The following COL13A1 variants were observed in gnomAD, a reference collection of about 807,000 sequenced individuals.
The protein encoded by COL13A1 is collagen type XIII alpha 1 chain.
A neutral mutation model predicts 130.9 loss-of-function variants in COL13A1; 89 were observed. The ratio of observed to expected loss-of-function variants is 0.68; its 90% CI spans 0.57 to 0.81. COL13A1 has a LOEUF of 0.81. Among genes scored for constraint, COL13A1 ranks in the 30% least tolerant of loss-of-function variants. The pLI is 0.00. For missense variants in COL13A1, 879 were observed against 934.6 expected (o/e 0.94, Z 0.78); for synonymous variants, 402 against 341.6 (o/e 1.18, Z -1.95).
intron 2 of COL13A1, among the ~76,000 whole-genome samples, chr10:69,866,785 G>A (rs2058561874): frequency 6.6e-6 from 1 of 152,194 alleles, no homozygotes; most frequent in African/African-American, 2.4e-5. Context: ...ACAGATAAAG[G>A]AGGAGAGAAG....
intron 38 of COL13A1, among the ~76,000 whole-genome samples, chr10:69,951,368 AT>A (rs1393666841): frequency 1.3e-5 from 2 of 151,146 alleles, no homozygotes; most frequent in Non-Finnish European, 3.0e-5. Context: ...AACTCACAAC[AT>A]TTTTTTTTCA....
chr10:69,837,768 C>T (rs377140191), intron 2 of COL13A1, among the ~76,000 whole-genome samples: 44 of 151,918 alleles, frequency 2.9e-4, no homozygotes, highest in African/African-American at 1.1e-3. Flanking sequence ...ATCATGTTCC[C>T]GTGGAACGGC....
chr10:69,935,078 G>GT lies in COL13A1; in HGVS notation c.1729-261dup, dbSNP rs112108347. On this transcript the variant is annotated intron_variant, in intron 31 of 40. Coordinates refer to ENST00000645393, the MANE Select transcript of COL13A1 (RefSeq NM_001368882.1). ...TGCTAGATCTTCTGGTGTTTTTTTTGTTTTTTTTTTTCCAAGAAAAATCTG... is the reference window on the plus strand; with the variant it reads ...TGCTAGATCTTCTGGTGTTTTTTTTGTTTTTTTTTTTTCCAAGAAAAATCTG... 0.057 allele frequency among the ~76,000 whole-genome samples: 8,381 copies of GT among 146,916 alleles called. 343 individuals are homozygous for GT. Among genetic ancestry groups the GT allele is most frequent in the African/African-American group, 0.11 (4,555 of 40,220 alleles).
intron 2 of COL13A1, among the ~76,000 whole-genome samples, chr10:69,867,240 C>T (rs2058613616): frequency 6.6e-6 from 1 of 152,174 alleles, no homozygotes; most frequent in Admixed American, 6.5e-5. Context: ...CTGTGGGTGG[C>T]AGACCCTGGA....
intron 2 of COL13A1, among the ~76,000 whole-genome samples, chr10:69,855,724 C>G (rs1428941924): frequency 6.6e-6 from 1 of 151,794 alleles, no homozygotes; most frequent in Non-Finnish European, 1.5e-5. Context: ...ATCCTGGGGC[C>G]GGGGACTTAT....
chr10:69,894,635 A>C (rs761038311), intron 11 of COL13A1, 40 bp from the exon 12 acceptor site: 38 of 1,613,798 alleles, frequency 2.4e-5, no homozygotes, highest in Non-Finnish European at 2.8e-5. Flanking sequence ...CTGTGACCTT[A>C]GCTTTGGTTT....
intron 4 of COL13A1, among the ~76,000 whole-genome samples, chr10:69,874,855 C>A (rs1325303423): frequency 6.6e-6 from 1 of 152,192 alleles, no homozygotes; most frequent in East Asian, 1.9e-4. Flanking sequence ...GAAACTGAGG[C>A]CCAGGCTGGG....
chr10:69,824,055 A>G, intron 2 of COL13A1: 2 of 469,926 alleles, frequency 4.3e-6, no homozygotes, highest in Non-Finnish European at 8.8e-6. Context: ...TTGAAGCCAC[A>G]GAGGATGTAG....
At chr10:69,806,542 C>T (rs993107640) in intron 1 of COL13A1, among the ~76,000 whole-genome samples, 3 of 152,234 alleles carry the variant, frequency 2.0e-5, no homozygotes, top group African/African-American at 7.2e-5. Flanking sequence ...GCTCTTCCCC[C>T]ATCAGCGCCT....
At chr10:69,924,889 A>G in intron 24 of COL13A1, 74 bp from the exon 25 acceptor site, 1 of 1,436,806 alleles carries the variant, frequency 7.0e-7, no homozygotes, top group Non-Finnish European at 9.3e-7. Flanking sequence ...CCCTTATCAC[A>G]TGGCCCATCT....
chr10:69,877,839 A>G (rs1346218386), intron 5 of COL13A1, among the ~76,000 whole-genome samples, 200 bp from the exon 6 acceptor site: 3 of 152,008 alleles, frequency 2.0e-5, no homozygotes, highest in African/African-American at 7.3e-5. Flanking sequence ...TCCACATGCC[A>G]CATGCTGTGC....
At chr10:69,945,630 C>T (rs780066795) in intron 36 of COL13A1, 41 bp from the exon 37 acceptor site, 19 of 1,600,776 alleles carry the variant, frequency 1.2e-5, no homozygotes, top group African/African-American at 2.7e-5. Context: ...AGATTGTTAC[C>T]GTGTCTGGCA....
chr10:69,929,050 C>T (rs919260764), intron 28 of COL13A1, 51 bp downstream of exon 28: 1 of 1,414,140 alleles, frequency 7.1e-7, no homozygotes. Context: ...GGCATCGACC[C>T]CAGGGCTTCC....
At chr10:69,894,899 A>G (rs1034071047) in intron 12 of COL13A1, among the ~76,000 whole-genome samples, 198 bp downstream of exon 12, 1 of 152,062 alleles carries the variant, frequency 6.6e-6, no homozygotes, top group Non-Finnish European at 1.5e-5. Context: ...GTCCTCCTGG[A>G]GGCTGGTCCG....
At chr10:69,855,513 ATAAC>A (rs1856167469) in intron 2 of COL13A1, among the ~76,000 whole-genome samples, 2 of 152,222 alleles carry the variant, frequency 1.3e-5, no homozygotes, top group Admixed American at 6.5e-5. Flanking sequence ...TAATGAACTA[ATAAC>A]TAATAATTAG....
Position 69,945,567 on chromosome 10 carries a change from A to T in COL13A1, c.1969-104A>T. On this transcript the variant is annotated intron_variant, in intron 36 of 40. Coordinates refer to ENST00000645393, the MANE Select transcript of COL13A1 (RefSeq NM_001368882.1). ...GCCCTTGCTTCCCGGAGGGCTCTTG[A>T]GGGGACTGGAGAGGTTTCCTGTATT... The T allele has an allele frequency of 2.0e-6, 3 of 1,487,856 alleles. No homozygotes were observed. In the South Asian group the frequency reaches 3.7e-5, roughly 18 times the overall value. The allele number at this position is 1,487,856 out of a possible 1,614,324, so 92.2% of individuals were successfully genotyped here. A position where few individuals can be genotyped will look rare whatever the true frequency, so the allele number is the denominator to read the frequency against.
intron 21 of COL13A1, among the ~76,000 whole-genome samples, chr10:69,920,247 T>C (rs1386644856): frequency 6.6e-6 from 1 of 152,232 alleles, no homozygotes; most frequent in Non-Finnish European, 1.5e-5. Flanking sequence ...CTGGAATGAA[T>C]GTTCATTGAG....
intron 17 of COL13A1, among the ~76,000 whole-genome samples, chr10:69,910,242 C>T (rs867696188): frequency 1.3e-5 from 2 of 152,110 alleles, no homozygotes; most frequent in South Asian, 2.1e-4. Flanking sequence ...GGCTTGGTCT[C>T]AGGGGCTGGG....
rs753986627 is a variant in COL13A1, at chr10:69,922,749, AG to A, written c.1189del (p.Glu397AsnfsTer77). 3 of 1,606,368 alleles carry A rather than the reference AG, an allele frequency of 1.9e-6. No individual in the cohort carries two copies. Among genetic ancestry groups the A allele is most frequent in the Non-Finnish European group, 2.5e-6 (3 of 1,176,892 alleles). On this transcript the variant is annotated frameshift_variant, in exon 23 of 41. Transcript: ENST00000645393. LOFTEE classifies it high-confidence loss of function. ...CTGGCAACTCCATTGGAGGAGGCAGAGGGGAACCTGGCCCTCCAGGGCTCCC... is the reference window on the plus strand; with the variant it reads ...CTGGCAACTCCATTGGAGGAGGCAGAGGGAACCTGGCCCTCCAGGGCTCCC... ...DAGNSIGGGR[G>X]EPGPPGLPGP...
Sources: gnomAD v4.1 joint callset for allele counts (sites outside exome capture counted in the v4.1 genomes callset) on GRCh38, gnomAD v4.1.1 for gene constraint, MANE v1.5 for transcripts, NCBI Gene and HGNC (gene_info 2026-07-23, HGNC 2026-07-21) for gene names.